Variants in ADGRB3 observed in about 807,000 individuals in gnomAD.
ADGRB3 encodes the protein adhesion G protein-coupled receptor B3.
Under a neutral mutation model 193.4 loss-of-function variants are expected in ADGRB3, and 37 were observed. The observed-to-expected ratio is 0.19, with a 90% confidence interval of 0.15 to 0.25. ADGRB3 has a LOEUF of 0.25. Ranked by LOEUF, ADGRB3 falls within the 10% of genes least tolerant of loss-of-function variation. The probability of loss-of-function intolerance (pLI) is 1.00; values close to 1 mark genes in which losing one functional copy is unlikely to be tolerated. For synonymous variants in ADGRB3, 690 were observed against 644.2 expected (o/e 1.07, Z -1.08); for missense variants, 1,637 against 1,852.9 (o/e 0.88, Z 2.14).
rs576605463 is a variant in ADGRB3, at chr6:69,075,983, C to CT, written c.2437-3dup. On this transcript the variant is annotated splice_polypyrimidine_tract_variant and intron_variant, in intron 16 of 31. Coordinates refer to ENST00000370598, the MANE Select transcript of ADGRB3 (RefSeq NM_001704.3). Reference sequence around the variant, plus strand: ...TCAAGATATATGCATTCTTTCTCTGCTTTTTTTTTAGGGTACTTTGAATCC... The same window carrying CT: ...TCAAGATATATGCATTCTTTCTCTGCTTTTTTTTTTAGGGTACTTTGAATCC... 8,297 of 1,520,782 alleles carry CT rather than the reference C, an allele frequency of 5.5e-3. 25 individuals carry two copies. Among genetic ancestry groups the CT allele is most frequent in the South Asian group, 0.013 (1,119 of 85,246 alleles). 94.2% of individuals were successfully genotyped at this position (1,520,782 alleles called of 1,614,324 possible).
chr6:69,054,135 A>T (rs956006987), intron 15 of ADGRB3, among the ~76,000 whole-genome samples: 1 of 152,214 alleles, frequency 6.6e-6, no homozygotes, highest in South Asian at 2.1e-4. Flanking sequence ...AGTGGAATAA[A>T]GGAAAATACA....
At chr6:68,752,410 GAGATTAC>G (rs941309674) in intron 3 of ADGRB3, among the ~76,000 whole-genome samples, 1 of 151,380 alleles carries the variant, frequency 6.6e-6, no homozygotes, top group African/African-American at 2.4e-5. Flanking sequence ...CTGAGTATCT[GAGATTAC>G]AGGCGTGCAC....
intron 3 of ADGRB3, among the ~76,000 whole-genome samples, chr6:68,725,613 C>T (rs1006699782): frequency 4.0e-5 from 6 of 151,606 alleles, no homozygotes; most frequent in Admixed American, 6.6e-5. Context: ...TTGCTGAGTA[C>T]ACTGAAGAAC....
intron 3 of ADGRB3, among the ~76,000 whole-genome samples, chr6:68,669,046 G>T (rs1367711549): frequency 2.0e-5 from 3 of 151,898 alleles, no homozygotes; most frequent in African/African-American, 7.3e-5. Context: ...ATTTGTGAAT[G>T]TATGTATGTA....
intron 3 of ADGRB3, among the ~76,000 whole-genome samples, chr6:68,796,709 T>C (rs1291969909): frequency 1.3e-5 from 2 of 152,132 alleles, no homozygotes; most frequent in African/African-American, 4.8e-5. Context: ...GTGCAATCAG[T>C]CCGGGAACTG....
intron 3 of ADGRB3, among the ~76,000 whole-genome samples, chr6:68,764,313 T>C (rs1029507783): frequency 3.3e-5 from 5 of 152,112 alleles, no homozygotes; most frequent in African/African-American, 9.7e-5. Context: ...ATACCATTGA[T>C]ACACAGGATA....
chr6:69,313,582 A>T (rs1189980572), intron 20 of ADGRB3, among the ~76,000 whole-genome samples: 1 of 151,688 alleles, frequency 6.6e-6, no homozygotes, highest in East Asian at 1.9e-4. Flanking sequence ...CATTATTATT[A>T]TCCTTGGTTT....
intron 3 of ADGRB3, among the ~76,000 whole-genome samples, chr6:68,692,510 A>G (rs1335231456): frequency 6.6e-6 from 1 of 151,860 alleles, no homozygotes; most frequent in Non-Finnish European, 1.5e-5. Flanking sequence ...AATGCATTTA[A>G]ATTTCTGTAT....
chr6:69,009,248 C>T (rs2150283138), intron 11 of ADGRB3, among the ~76,000 whole-genome samples: 1 of 152,142 alleles, frequency 6.6e-6, no homozygotes, highest in East Asian at 1.9e-4. Flanking sequence ...ATCCTATATA[C>T]TTCCAAAAAA....
intron 17 of ADGRB3, among the ~76,000 whole-genome samples, chr6:69,171,474 C>T (rs79139265): frequency 1.8e-3 from 275 of 152,290 alleles, no homozygotes; most frequent in African/African-American, 6.2e-3. Flanking sequence ...AGCTCCTACC[C>T]GTAGTCCATT....
At chr6:69,127,866 A>G (rs1773895696) in intron 17 of ADGRB3, among the ~76,000 whole-genome samples, 1 of 151,006 alleles carries the variant, frequency 6.6e-6, no homozygotes, top group African/African-American at 2.4e-5. Context: ...AGGTGGGACC[A>G]ACAGAGCAAA....
At chr6:69,218,068 C>CAAAA (rs556270079) in intron 17 of ADGRB3, among the ~76,000 whole-genome samples, 6 of 80,932 alleles carry the variant, frequency 7.4e-5, no homozygotes, top group African/African-American at 1.0e-4. Flanking sequence ...CTCCAGCTGA[C>CAAAA]AAAAAAAAAA....
intron 20 of ADGRB3, among the ~76,000 whole-genome samples, chr6:69,283,866 G>T (rs2127287830): frequency 6.6e-6 from 1 of 152,246 alleles, no homozygotes; most frequent in East Asian, 1.9e-4. Context: ...GCATGTTTAG[G>T]CAGCGGTGTC....
At chr6:69,037,293 A>G (rs1770901039) in intron 13 of ADGRB3, among the ~76,000 whole-genome samples, 1 of 152,192 alleles carries the variant, frequency 6.6e-6, no homozygotes, top group Non-Finnish European at 1.5e-5. Flanking sequence ...AAGAATCTCA[A>G]TATTGGCTTT....
At chr6:69,314,864 G>T (rs1001506099) in intron 20 of ADGRB3, among the ~76,000 whole-genome samples, 6 of 151,476 alleles carry the variant, frequency 4.0e-5, no homozygotes, top group African/African-American at 1.5e-4. Flanking sequence ...TTTATGAAAT[G>T]AACCTTGTCT....
At chr6:69,169,963 G>A (rs147854370) in intron 17 of ADGRB3, among the ~76,000 whole-genome samples, 3 of 152,204 alleles carry the variant, frequency 2.0e-5, no homozygotes, top group Admixed American at 2.0e-4. Context: ...AGCACTCTTG[G>A]AACCTAACAA....
Position 68,956,301 on chromosome 6 carries a change from A to ATATGTG in ADGRB3, c.1360+114_1360+115insATGTGT, listed in dbSNP as rs71672105. On this transcript the variant is annotated intron_variant, in intron 7 of 31. Coordinates refer to ENST00000370598, the MANE Select transcript of ADGRB3 (RefSeq NM_001704.3). ...GAAAGAAGATAATCATTATATATAT[A>ATATGTG]TGTGTGTGTGTGTGTGTGTGTGTGT... The ATATGTG allele has an allele frequency of 1.0e-3, 907 of 879,306 alleles. 11 individuals carry two copies. In the African/African-American group the frequency reaches 0.014, roughly 13 times the overall value. The allele number at this position is 879,306 out of a possible 1,614,324, so 54.5% of individuals were successfully genotyped here.
At chr6:68,929,654 C>A (rs1241309406) in intron 3 of ADGRB3, among the ~76,000 whole-genome samples, 2 of 152,092 alleles carry the variant, frequency 1.3e-5, no homozygotes, top group Non-Finnish European at 2.9e-5. Flanking sequence ...ACAGAACCAA[C>A]AACTATTCCA....
At chr6:69,130,653 T>G (rs941282080) in intron 17 of ADGRB3, among the ~76,000 whole-genome samples, 1 of 151,810 alleles carries the variant, frequency 6.6e-6, no homozygotes, top group African/African-American at 2.4e-5. Flanking sequence ...CTTTTTTAAC[T>G]ACACTGGTTT....
Sources: allele counts gnomAD v4.1 joint callset (sites outside exome capture counted in the v4.1 genomes callset), GRCh38; gene constraint gnomAD v4.1.1; transcripts MANE v1.5; gene names NCBI Gene and HGNC (gene_info 2026-07-23, HGNC 2026-07-21).